ITGAV: variants seen among roughly 807,000 people sequenced by gnomAD.
ITGAV encodes the protein integrin subunit alpha V.
ITGAV carries 76 observed loss-of-function variants against 143.8 expected under a neutral mutation model. The ratio of observed to expected loss-of-function variants is 0.53; its 90% confidence interval spans 0.44 to 0.64. The LOEUF (loss-of-function observed/expected upper bound fraction) is 0.64, where lower values mean the gene tolerates loss of function less well. ITGAV is among the 30% of genes least tolerant of loss of function. The pLI is 0.00. For missense variants in ITGAV, 1,193 were observed against 1,274.7 expected (o/e 0.94, Z 0.98); for synonymous variants, 453 against 446.7 (o/e 1.01, Z -0.18).
chr2:186,636,696 T>C (rs1203628633), intron 7 of ITGAV, among the ~76,000 whole-genome samples: 2 of 152,228 alleles, frequency 1.3e-5, no homozygotes, highest in Non-Finnish European at 2.9e-5. Flanking sequence ...CTTATTAACA[T>C]GTGTTCTCTC....
chr2:186,612,135 C>T (rs10172499), intron 2 of ITGAV, among the ~76,000 whole-genome samples: 106,367 of 152,036 alleles, frequency 0.7, 37,569 homozygotes, highest in East Asian at 0.85. Flanking sequence ...GCTTGATTTG[C>T]ATTTTAACTT....
chr2:186,653,384 T>G (rs545517219), intron 15 of ITGAV, among the ~76,000 whole-genome samples: 4 of 152,272 alleles, frequency 2.6e-5, no homozygotes, highest in Admixed American at 2.6e-4. Context: ...AGTTCCCACT[T>G]TGGGAAACAC....
Position 186,644,907 on chromosome 2 carries a change from C to T in ITGAV, c.1160-1779C>T, listed in dbSNP as rs1438523463. Among the ~76,000 whole-genome samples the T allele has an allele frequency of 2.0e-5, 3 of 151,954 alleles. No individual in the cohort carries two copies. The South Asian group carries it at 6.2e-4, about 32-fold the overall frequency. On this transcript the variant is annotated intron_variant, in intron 12 of 29. Transcript: ENST00000261023. The stretch of plus-strand genomic sequence containing the variant: ...TCATATAAAGGATGAGTGATCAAGG[C>T]ATCGTTGATGTTTCAGGGGAGCCAG...
chr2:186,669,883 G>A lies in ITGAV; in HGVS notation c.2706+69G>A, dbSNP rs954308216. 7.1e-5 allele frequency: 72 copies of A among 1,017,268 alleles called. No individual in the cohort carries two copies. In the Admixed American group the frequency reaches 1.6e-3, roughly 22 times the overall value. 63.0% of individuals were successfully genotyped at this position (1,017,268 alleles called of 1,614,324 possible). On this transcript the variant is annotated intron_variant, in intron 26 of 29. Coordinates refer to ENST00000261023, the MANE Select transcript of ITGAV (RefSeq NM_002210.5). ...ATGTGACTATAGAACTGACGCCAAA[G>A]AACATTTCAAAAATAACAACAGCTG...
chr2:186,597,920 G>A (rs1283198211), intron 1 of ITGAV, among the ~76,000 whole-genome samples: 1 of 152,198 alleles, frequency 6.6e-6, no homozygotes, highest in African/African-American at 2.4e-5. Flanking sequence ...GGAAGGAAAG[G>A]TTGGGGACCA....
chr2:186,593,185 C>G (rs1686660597), intron 1 of ITGAV, among the ~76,000 whole-genome samples: 10 of 152,134 alleles, frequency 6.6e-5, no homozygotes, highest in Admixed American at 6.5e-4. Context: ...ACTCCTGTTG[C>G]TTTTTCCAGT....
chr2:186,600,325 C>G (rs750072395), intron 1 of ITGAV: 60 of 1,527,304 alleles, frequency 3.9e-5, no homozygotes, highest in Admixed American at 5.9e-5. Flanking sequence ...CCTCCATCCT[C>G]AATACACAAA....
At chr2:186,600,399 A>G (rs1686867919) in intron 1 of ITGAV, 1 of 1,537,414 alleles carries the variant, frequency 6.5e-7, no homozygotes, top group East Asian at 2.5e-5. Context: ...CCTTAGAAAT[A>G]ACTTCTCTGT....
intron 2 of ITGAV, among the ~76,000 whole-genome samples, chr2:186,606,353 C>A (rs1029473408): frequency 2.6e-5 from 4 of 152,192 alleles, no homozygotes; most frequent in Non-Finnish European, 5.9e-5. Flanking sequence ...TGACGTTGCA[C>A]GGGTTACTGT....
intron 10 of ITGAV, 131 bp from the exon 11 acceptor site, chr2:186,640,784 A>G (rs1008671026): frequency 2.9e-6 from 2 of 679,798 alleles, no homozygotes; most frequent in Non-Finnish European, 5.0e-6. Flanking sequence ...TAAACAAAAG[A>G]CAAGACATTT....
chr2:186,664,343 T>G (rs1688827557), intron 19 of ITGAV, 151 bp from the exon 20 acceptor site: 1 of 698,854 alleles, frequency 1.4e-6, no homozygotes, highest in African/African-American at 1.8e-5. Flanking sequence ...CTATTTTCTG[T>G]TTTCTATCAA....
In ITGAV at chr2:186,636,359, A is replaced by C. The variant is rs60491688; in HGVS notation, c.757+152A>C. 1.5e-3 allele frequency: 895 copies of C among 612,794 alleles called. 2 individuals carry two copies. In the African/African-American group the frequency reaches 0.015, roughly 10 times the overall value. The allele number at this position is 612,794 out of a possible 1,614,324, so 38.0% of individuals were successfully genotyped here. A position where few individuals can be genotyped will look rare whatever the true frequency, so the allele number is the denominator to read the frequency against. On this transcript the variant is annotated intron_variant, in intron 7 of 29. Coordinates refer to ENST00000261023, the MANE Select transcript of ITGAV (RefSeq NM_002210.5). Reference sequence around the variant, plus strand: ...ATACAATTTCAAATTGTTAATGAGTACTTTGGTTATGTTACGTTTCAGTAA... The same window carrying C: ...ATACAATTTCAAATTGTTAATGAGTCCTTTGGTTATGTTACGTTTCAGTAA...
intron 14 of ITGAV, among the ~76,000 whole-genome samples, chr2:186,651,139 G>A (rs1688416470): frequency 6.6e-6 from 1 of 152,170 alleles, no homozygotes; most frequent in South Asian, 2.1e-4. Context: ...GGCATCCCAA[G>A]TAGTTAAGAT....
chr2:186,633,449 C>A, intron 6 of ITGAV, 75 bp downstream of exon 6: 2 of 740,648 alleles, frequency 2.7e-6, no homozygotes, highest in Non-Finnish European at 4.6e-6. Context: ...ATGCCTATGA[C>A]ATTTTACAAA....
chr2:186,642,220 A>C (rs1373422454), intron 12 of ITGAV, among the ~76,000 whole-genome samples: 1 of 152,218 alleles, frequency 6.6e-6, no homozygotes, highest in Admixed American at 6.5e-5. Flanking sequence ...ATAGGTTACA[A>C]ATTACCAAGA....
intron 2 of ITGAV, among the ~76,000 whole-genome samples, chr2:186,602,660 C>T (rs1464962941): frequency 6.6e-6 from 1 of 152,072 alleles, no homozygotes; most frequent in African/African-American, 2.4e-5. Flanking sequence ...AGGCAGATCA[C>T]GAGGTCAGGA....
intron 15 of ITGAV, among the ~76,000 whole-genome samples, chr2:186,653,783 G>C (rs1173356077): frequency 6.6e-6 from 1 of 152,132 alleles, no homozygotes; most frequent in African/African-American, 2.4e-5. Context: ...TATGATTTTT[G>C]AGTATGGCAC....
chr2:186,597,848 C>G (rs1273560958), intron 1 of ITGAV, among the ~76,000 whole-genome samples: 3 of 152,108 alleles, frequency 2.0e-5, no homozygotes, highest in African/African-American at 7.2e-5. Context: ...CTTATGAGAA[C>G]CTAATACCTG....
chr2:186,628,557 G>A (rs1229653985), intron 4 of ITGAV, among the ~76,000 whole-genome samples: 4 of 151,984 alleles, frequency 2.6e-5, no homozygotes, highest in Non-Finnish European at 5.9e-5. Context: ...TAACTTGACC[G>A]TGGCTAACCA....
Sources: allele counts gnomAD v4.1 joint callset (sites outside exome capture counted in the v4.1 genomes callset), GRCh38; gene constraint gnomAD v4.1.1; transcripts MANE v1.5; gene names NCBI Gene and HGNC (gene_info 2026-07-23, HGNC 2026-07-21).